The following ASAP1 variants were observed in gnomAD, a reference collection of about 807,000 sequenced individuals.
The protein encoded by ASAP1 is arf-GAP with SH3 domain, ANK repeat and PH domain-containing protein 1.
In ASAP1, 43 loss-of-function variants were observed where a neutral mutation model predicts 145.2. The observed-to-expected ratio is 0.30, with a 90% CI of 0.23 to 0.38. The LOEUF (loss-of-function observed/expected upper bound fraction) is 0.38. Ranked by LOEUF, ASAP1 falls within the 10% of genes least tolerant of loss-of-function variation. The pLI, the probability that ASAP1 is intolerant of heterozygous loss-of-function variation, is 1.00. For synonymous variants in ASAP1, 546 were observed against 515.5 expected (o/e 1.06, Z -0.80); for missense variants, 1,018 against 1,355.3 (o/e 0.75, Z 3.91).
intron 2 of ASAP1, among the ~76,000 whole-genome samples, chr8:130,374,736 T>C (rs901368709): frequency 3.3e-5 from 5 of 152,172 alleles, no homozygotes; most frequent in African/African-American, 1.2e-4. Context: ...ACCTGTACCA[T>C]GGTTGCAGCT....
At chr8:130,325,397 G>A (rs749254286) in intron 3 of ASAP1, among the ~76,000 whole-genome samples, 11 of 152,150 alleles carry the variant, frequency 7.2e-5, no homozygotes, top group Non-Finnish European at 1.2e-4. Context: ...TGCTTGCCTC[G>A]TGTGAATTTG....
intron 9 of ASAP1, among the ~76,000 whole-genome samples, chr8:130,175,614 C>CT (rs1813897361): frequency 6.6e-6 from 1 of 152,068 alleles, no homozygotes; most frequent in African/African-American, 2.4e-5. Flanking sequence ...TGTGGGTTGT[C>CT]TTTTACTTTC....
At chr8:130,316,842 T>G (rs543418354) in intron 3 of ASAP1, among the ~76,000 whole-genome samples, 1 of 152,376 alleles carries the variant, frequency 6.6e-6, no homozygotes, top group South Asian at 2.1e-4. Flanking sequence ...TTTCCCCCTG[T>G]AATATGCAGC....
chr8:130,206,404 C>G (rs1190777351), intron 5 of ASAP1, among the ~76,000 whole-genome samples: 1 of 151,844 alleles, frequency 6.6e-6, no homozygotes, highest in African/African-American at 2.4e-5. Flanking sequence ...CTAGATCCAA[C>G]CTGTACATTA....
At chr8:130,160,036 T>A in intron 11 of ASAP1, 72 bp from the exon 12 acceptor site, 2 of 1,329,724 alleles carry the variant, frequency 1.5e-6, no homozygotes, top group Non-Finnish European at 2.2e-6. Context: ...ATTCTGCCAT[T>A]GAGCCTTTGG....
chr8:130,178,697 A>AAC (rs1337139978), intron 9 of ASAP1, among the ~76,000 whole-genome samples: 1 of 152,220 alleles, frequency 6.6e-6, no homozygotes, highest in Non-Finnish European at 1.5e-5. Flanking sequence ...CATCCTGGCC[A>AAC]ACACGGTGAG....
At chr8:130,187,813 T>G (rs1225296884) in intron 6 of ASAP1, among the ~76,000 whole-genome samples, 1 of 152,136 alleles carries the variant, frequency 6.6e-6, no homozygotes, top group Non-Finnish European at 1.5e-5. Context: ...AGCCCGAGGT[T>G]CAGAAGGGCT....
chr8:130,238,874 G>C (rs537865356), intron 3 of ASAP1, among the ~76,000 whole-genome samples: 2 of 152,024 alleles, frequency 1.3e-5, no homozygotes, highest in African/African-American at 2.4e-5. Flanking sequence ...CAAAAAACAG[G>C]GTTTCCAGAC....
intron 3 of ASAP1, among the ~76,000 whole-genome samples, chr8:130,312,277 TA>T (rs10602064): frequency 0.025 from 3,452 of 136,246 alleles, 48 homozygotes; most frequent in African/African-American, 0.054. Context: ...ACCCTGTCTT[TA>T]AAAAAAAAAA....
chr8:130,230,015 G>C, intron 4 of ASAP1, among the ~76,000 whole-genome samples: 1 of 152,080 alleles, frequency 6.6e-6, no homozygotes, highest in Non-Finnish European at 1.5e-5. Flanking sequence ...CCGTGAGTGA[G>C]ACTGCGTTAC....
intron 1 of ASAP1, among the ~76,000 whole-genome samples, chr8:130,403,151 G>A (rs990408548): frequency 6.6e-6 from 1 of 151,872 alleles, no homozygotes; most frequent in African/African-American, 2.4e-5. Flanking sequence ...CTAAGATAAG[G>A]TCTTTGGAAA....
intron 12 of ASAP1, among the ~76,000 whole-genome samples, chr8:130,159,652 C>A (rs1333410271): frequency 1.3e-5 from 2 of 151,574 alleles, no homozygotes; most frequent in Non-Finnish European, 2.9e-5. Context: ...TTGCACGTTA[C>A]AAGACAGAAG....
chr8:130,310,179 T>C (rs1823256607), intron 3 of ASAP1, among the ~76,000 whole-genome samples: 1 of 150,946 alleles, frequency 6.6e-6, no homozygotes, highest in Non-Finnish European at 1.5e-5. Flanking sequence ...GAGATAAAGA[T>C]AGAGGGATTA....
At position 130,076,971 on chromosome 8, in the gene ASAP1, C is replaced by G. The variant is rs188569454; in HGVS notation, c.2643-565G>C. Among the ~76,000 whole-genome samples, 449 of 152,344 alleles carry G rather than the reference C, an allele frequency of 2.9e-3. 5 individuals are homozygous for G. Among genetic ancestry groups the G allele is most frequent in the African/African-American group, 0.01 (434 of 41,586 alleles). ...CATTTATGAAGGCACCTGGCACACT[C>G]TAAGTGGTGACCCCAATGTAGTGCA... On this transcript the variant is annotated intron_variant, in intron 26 of 29. Transcript: ENST00000518721.
intron 9 of ASAP1, among the ~76,000 whole-genome samples, chr8:130,178,617 A>G (rs539891588): frequency 6.6e-6 from 1 of 152,350 alleles, no homozygotes; most frequent in East Asian, 1.9e-4. Flanking sequence ...CTCCAGGTGG[A>G]AATACATGGT....
chr8:130,134,197 G>A (rs1001892838), intron 15 of ASAP1, 99 bp downstream of exon 15: 6 of 903,902 alleles, frequency 6.6e-6, no homozygotes, highest in African/African-American at 5.2e-5. Context: ...GCCACCAGGC[G>A]AGGTTCTTAC....
intron 2 of ASAP1, among the ~76,000 whole-genome samples, chr8:130,364,280 GAA>G (rs1826849846): frequency 6.6e-6 from 1 of 152,220 alleles, no homozygotes; most frequent in East Asian, 1.9e-4. Context: ...TCAACTGAAT[GAA>G]CTCAGGGATG....
intron 5 of ASAP1, among the ~76,000 whole-genome samples, chr8:130,205,397 A>G (rs558125799): frequency 2.6e-5 from 4 of 151,650 alleles, no homozygotes; most frequent in Non-Finnish European, 5.9e-5. Flanking sequence ...AAAAAAAAAA[A>G]AAACAAAAAC....
chr8:130,262,416 A>AAG (rs71513089), intron 3 of ASAP1, among the ~76,000 whole-genome samples: 1,917 of 57,808 alleles, frequency 0.033, 38 homozygotes, highest in East Asian at 0.038. Context: ...AAAAAAAAAA[A>AAG]AGAGAGAGAG....
Sources: allele counts gnomAD v4.1 joint callset (sites outside exome capture counted in the v4.1 genomes callset), GRCh38; gene constraint gnomAD v4.1.1; transcripts MANE v1.5; gene names NCBI Gene and HGNC (gene_info 2026-07-23, HGNC 2026-07-21).